The following ZNF831 variants were observed in gnomAD, a reference collection of about 807,000 sequenced individuals.
ZNF831 encodes the protein zinc finger protein 831.
A neutral mutation model predicts 95.8 loss-of-function variants in ZNF831; 59 were observed. The observed-to-expected ratio is 0.62, with a 90% confidence interval of 0.50 to 0.77. The LOEUF (loss-of-function observed/expected upper bound fraction) is 0.77. Among genes scored for constraint, ZNF831 ranks in the 30% least tolerant of loss-of-function variants. ZNF831 has a pLI of 0.00. For synonymous variants in ZNF831, 961 were observed against 925.5 expected, an observed-to-expected ratio of 1.04 and a Z score of -0.70; for missense variants, 2,205 against 2,164.0, an observed-to-expected ratio of 1.02 and a Z score of -0.38.
rs770156205 is a variant in ZNF831, at chr20:59,192,971, G to T, written c.1952G>T (p.Gly651Val). The T allele has an allele frequency of 6.3e-6, 10 of 1,593,308 alleles. No individual in the cohort carries two copies. Among genetic ancestry groups the T allele is most frequent in the Non-Finnish European group, 7.7e-6 (9 of 1,170,488 alleles). The part of the protein sequence containing the change: ...GGKKAREVGM[G>V]SGAELGFPLQ... ...AAGAAAGCCAGGGAGGTGGGAATGGGCAGTGGGGCAGAACTGGGCTTTCCT... is the reference window on the plus strand; with the variant it reads ...AAGAAAGCCAGGGAGGTGGGAATGGTCAGTGGGGCAGAACTGGGCTTTCCT... Residue 651 changes from glycine to valine, a missense_variant, in exon 2 of 6, where the codon GGC (glycine) becomes GTC (valine). Physicochemically the swap from Gly to Val is moderately radical, Grantham distance 109 (BLOSUM62 -3). Transcript: ENST00000371030. The surrounding 1 kb of genome is among the most constrained non-coding windows in gnomAD (Gnocchi z 5.2).
intron 1 of ZNF831, among the ~76,000 whole-genome samples, chr20:59,178,845 A>C (rs962683101): frequency 1.3e-5 from 2 of 152,150 alleles, no homozygotes; most frequent in Admixed American, 1.3e-4. Flanking sequence ...ACCGAGTCCT[A>C]GGGAGGCTGT....
At position 59,216,716 on chromosome 20, in the gene ZNF831, G is replaced by A. The variant is rs546203613; in HGVS notation, c.4027+9660G>A. Among the ~76,000 whole-genome samples the A allele has an allele frequency of 4.2e-4, 64 of 152,266 alleles. 2 individuals carry two copies. The highest frequency in any genetic ancestry group is 5.9e-4 in the Admixed American group (9 of 15,298). On this transcript the variant is annotated intron_variant, in intron 4 of 5. Transcript: ENST00000371030. ...CTAGTGTGCCAGGTGCATGGGGGAC[G>A]GGCGCAGGTACAGTGGAGGCTCACA...
In ZNF831 at chr20:59,254,233, T is replaced by C. The variant is rs776083916; in HGVS notation, c.4524T>C (p.Ile1508=). The C allele has an allele frequency of 1.8e-5, 29 of 1,613,896 alleles. No individual in the cohort carries two copies. Among genetic ancestry groups the C allele is most frequent in the Non-Finnish European group, 2.4e-5 (28 of 1,179,972 alleles). Reference sequence around the variant, plus strand: ...GAACAGATCACATAGCCCAGGAAATTCACAGTGCTGAATCACGAGACCACA... The same window carrying C: ...GAACAGATCACATAGCCCAGGAAATCCACAGTGCTGAATCACGAGACCACA... ...PVRTDHIAQE[I]HSAESRDHSQ... Residue 1508 remains isoleucine (I), a synonymous_variant, in exon 6 of 6, where the codon ATT becomes ATC. Transcript: ENST00000371030. This position sits in a 1 kb window ranked among gnomAD's most constrained non-coding sequence, Gnocchi z 4.5.
In ZNF831 at chr20:59,201,902, A is replaced by C. The variant is rs192247381; in HGVS notation, c.3876-5003A>C. On this transcript the variant is annotated intron_variant, in intron 3 of 5. Coordinates refer to ENST00000371030, the MANE Select transcript of ZNF831 (RefSeq NM_178457.3). ...CCATGCTGTGGTCAATTGATTTTTC[A>C]TACAGGCTCAAAGGAAATTCAGCGG... Among the ~76,000 whole-genome samples, 3 of 152,370 alleles carry C rather than the reference A, an allele frequency of 2.0e-5. No individual in the cohort carries two copies. The East Asian group carries it at 5.8e-4, about 29-fold the overall frequency.
At chr20:59,230,659 T>A (rs1415282750) in intron 4 of ZNF831, among the ~76,000 whole-genome samples, 1 of 152,238 alleles carries the variant, frequency 6.6e-6, no homozygotes, top group East Asian at 1.9e-4. Flanking sequence ...CTGGTCCAGA[T>A]AATTTGCAGA....
At chr20:59,153,386 T>A (rs916572976) in intron 2 of ZNF831, among the ~76,000 whole-genome samples, 1 of 152,214 alleles carries the variant, frequency 6.6e-6, no homozygotes. Flanking sequence ...TGTTTGTCCC[T>A]CCTCCCTGGG....
intron 3 of ZNF831, among the ~76,000 whole-genome samples, chr20:59,206,688 C>T (rs1260494724): frequency 6.6e-6 from 1 of 152,170 alleles, no homozygotes; most frequent in Non-Finnish European, 1.5e-5. Flanking sequence ...ATTTTGTGAC[C>T]ACCTCATTTA....
At chr20:59,166,915 G>A (rs969421163) in intron 1 of ZNF831, among the ~76,000 whole-genome samples, 9 of 152,216 alleles carry the variant, frequency 5.9e-5, no homozygotes, top group East Asian at 1.9e-4. Context: ...TTGTGTGAAC[G>A]TAAGTTTTCA....
At chr20:59,145,260 C>T (rs1465122443) in intron 1 of ZNF831, among the ~76,000 whole-genome samples, 1 of 152,110 alleles carries the variant, frequency 6.6e-6, no homozygotes, top group East Asian at 1.9e-4. Flanking sequence ...ACTTGGGTCA[C>T]GTTACCATTG....
chr20:59,220,309 CA>C (rs1985994896), intron 4 of ZNF831, among the ~76,000 whole-genome samples: 1 of 152,212 alleles, frequency 6.6e-6, no homozygotes, highest in Admixed American at 6.5e-5. Flanking sequence ...TCACTCTCAA[CA>C]AAATCACGGA....
At chr20:59,231,407 C>T (rs557321155) in intron 4 of ZNF831, among the ~76,000 whole-genome samples, 2 of 152,316 alleles carry the variant, frequency 1.3e-5, no homozygotes, top group African/African-American at 4.8e-5. Flanking sequence ...ATTTTCCAGG[C>T]ACCACTTTCA....
rs201314717 is a variant in ZNF831, at chr20:59,191,851, G to A, written c.832G>A (p.Ala278Thr). The stretch of plus-strand genomic sequence containing the variant: ...AGGGTCCGCATTTGCCGACAGAGAG[G>A]CTCCTTGGGACTCTGCCCCCATGGC... Reference protein sequence around the residue: ...CPGSAFADREAPWDSAPMASP... With the variant: ...CPGSAFADRETPWDSAPMASP... The change falls in exon 2 of 6, where the codon GCT becomes ACT. Residue 278 changes from alanine (A) to threonine (T), a missense_variant. Transcript: ENST00000371030. 2 of 1,613,356 alleles carry A rather than the reference G, an allele frequency of 1.2e-6. No homozygotes were observed. Among genetic ancestry groups the A allele is most frequent in the Non-Finnish European group, 8.5e-7 (1 of 1,179,982 alleles).
At chr20:59,246,244 TC>T (rs1289255300) in intron 4 of ZNF831, among the ~76,000 whole-genome samples, 1 of 152,214 alleles carries the variant, frequency 6.6e-6, no homozygotes. Context: ...TGACAGGACT[TC>T]CGACATCTTT....
chr20:59,189,040 G>A (rs1369872020), intron 1 of ZNF831, among the ~76,000 whole-genome samples: 1 of 152,004 alleles, frequency 6.6e-6, no homozygotes, highest in East Asian at 1.9e-4. Context: ...AATTAGCTGG[G>A]CATGGTGGCG....
intron 1 of ZNF831, chr20:59,146,200 A>C (rs1979853804): frequency 1.4e-5 from 2 of 143,688 alleles, no homozygotes; most frequent in South Asian, 4.6e-4. Context: ...CACCCTCCAC[A>C]CACACAATTT....
At chr20:59,196,151 C>T (rs950842023) in intron 3 of ZNF831, 146 bp downstream of exon 3, 1 of 1,156,990 alleles carries the variant, frequency 8.6e-7, no homozygotes, top group Non-Finnish European at 1.2e-6. Context: ...AATTTGTTTC[C>T]CACCCCTTGC....
chr20:59,134,183 G>A (rs1482254301), intron 1 of ZNF831, among the ~76,000 whole-genome samples: 3 of 152,346 alleles, frequency 2.0e-5, no homozygotes, highest in African/African-American at 7.2e-5. Context: ...AGTGGCTGTA[G>A]CAGCCAGCAG....
At chr20:59,135,929 G>A (rs1004954152) in intron 1 of ZNF831, among the ~76,000 whole-genome samples, 2 of 152,124 alleles carry the variant, frequency 1.3e-5, no homozygotes, top group Admixed American at 1.3e-4. Context: ...ATCCATGATG[G>A]CACCACTGCA....
At chr20:59,165,482 G>A (rs1981185853) in intron 1 of ZNF831, among the ~76,000 whole-genome samples, 1 of 152,170 alleles carries the variant, frequency 6.6e-6, no homozygotes, top group Non-Finnish European at 1.5e-5. Context: ...GAGTTTAAGT[G>A]ACTTATTCCA....
Sources: allele counts gnomAD v4.1 joint callset (sites outside exome capture counted in the v4.1 genomes callset), GRCh38; gene constraint gnomAD v4.1.1; non-coding constraint Gnocchi (gnomAD v3.1); transcripts MANE v1.5; gene names NCBI Gene and HGNC (gene_info 2026-07-23, HGNC 2026-07-21).